ZP3: variants seen among roughly 807,000 people sequenced by gnomAD.
The protein encoded by ZP3 is zona pellucida glycoprotein 3.
Under a neutral mutation model 35.6 loss-of-function variants are expected in ZP3, and 21 were observed. The observed-to-expected ratio is 0.59, with a 90% CI of 0.42 to 0.85. The LOEUF (loss-of-function observed/expected upper bound fraction) is 0.85, where lower values mean the gene tolerates loss of function less well. ZP3 is among the 40% of genes least tolerant of loss of function. The probability of loss-of-function intolerance (pLI) is 0.00; values close to 1 mark genes in which losing one functional copy is unlikely to be tolerated. For synonymous variants in ZP3, 207 were observed against 214.5 expected, an observed-to-expected ratio of 0.96 and a Z score of 0.31; for missense variants, 437 against 536.5, an observed-to-expected ratio of 0.81 and a Z score of 1.83.
chr7:76,398,293 C>T (rs1192307392), intron 1 of ZP3, among the ~76,000 whole-genome samples: 3 of 150,344 alleles, frequency 2.0e-5, no homozygotes, highest in East Asian at 1.9e-4. Context: ...CCAGTCTCAC[C>T]GCCCATTCAT....
chr7:76,433,143 G>GGTTGGTTTTA, intron 3 of ZP3, 113 bp downstream of exon 3: 1 of 699,822 alleles, frequency 1.4e-6, no homozygotes. Context: ...GGTTGGTTTT[G>GGTTGGTTTTA]GTTGGTTTTG....
intron 1 of ZP3, among the ~76,000 whole-genome samples, chr7:76,426,858 C>G (rs1243871200): frequency 2.2e-5 from 2 of 91,960 alleles, no homozygotes; most frequent in Non-Finnish European, 5.0e-5. Flanking sequence ...AATGAGACCC[C>G]CTTCTCTACC....
chr7:76,419,681 TTC>T (rs570508685), intron 1 of ZP3, among the ~76,000 whole-genome samples: 120 of 122,506 alleles, frequency 9.8e-4, no homozygotes, highest in Non-Finnish European at 1.5e-3. Flanking sequence ...CTTTCTTTCG[TTC>T]TCTTTCTCTC....
At chr7:76,407,041 A>G (rs974092063) in intron 1 of ZP3, among the ~76,000 whole-genome samples, 7 of 150,202 alleles carry the variant, frequency 4.7e-5, no homozygotes, top group Non-Finnish European at 8.9e-5. Context: ...GCTCACTGCA[A>G]CCTCCACCTC....
chr7:76,410,642 G>C (rs1296451860), intron 1 of ZP3, among the ~76,000 whole-genome samples: 1 of 152,062 alleles, frequency 6.6e-6, no homozygotes, highest in African/African-American at 2.4e-5. Context: ...TGTGGGCCCG[G>C]CAGGACTTAA....
chr7:76,441,065 G>A (rs71562428), intron 7 of ZP3, among the ~76,000 whole-genome samples: 4,064 of 150,896 alleles, frequency 0.027, 73 homozygotes, highest in Non-Finnish European at 0.035. Flanking sequence ...CAGCTACTTG[G>A]GAGGCTGAGG....
Position 76,405,283 on chromosome 7 carries a change from A to ATATATG in ZP3, c.-67+7491_-67+7492insGTATAT, listed in dbSNP as rs1293194089. ...CACACCCAGCTAATTATATATATAT[A>ATATATG]TATATATATATATATATATATATAT... On this transcript the variant is annotated intron_variant, in intron 1 of 8. Transcript: ENST00000336517. Among the ~76,000 whole-genome samples, 10 of 32,268 alleles carry ATATATG rather than the reference A, an allele frequency of 3.1e-4. 1 individual carries two copies. Among genetic ancestry groups the ATATATG allele is most frequent in the Non-Finnish European group, 5.1e-4 (10 of 19,536 alleles). The allele number at this position is 32,268 out of a possible 152,430, so 21.2% of individuals were successfully genotyped here.
intron 1 of ZP3, among the ~76,000 whole-genome samples, chr7:76,412,773 C>G (rs188131177): frequency 7.9e-5 from 12 of 151,310 alleles, no homozygotes; most frequent in African/African-American, 2.9e-4. Context: ...CGCTTGAACC[C>G]GGGAGGCGGA....
intron 1 of ZP3, chr7:76,400,715 C>G (rs1305371243): frequency 2.6e-6 from 3 of 1,167,144 alleles, no homozygotes; most frequent in Non-Finnish European, 3.5e-6. Flanking sequence ...ACTATGTTGC[C>G]AAGGCTGGTC....
At chr7:76,422,524 C>T (rs1220299188), upstream of ZP3, among the ~76,000 whole-genome samples, 1 of 151,264 alleles carries the variant, frequency 6.6e-6, no homozygotes, top group East Asian at 2.0e-4. Context: ...ACTAAAAATA[C>T]AAAAAGTAGC....
At chr7:76,437,171 C>CTTTTTTT (rs869115807) in intron 5 of ZP3, among the ~76,000 whole-genome samples, 6 of 78,718 alleles carry the variant, frequency 7.6e-5, no homozygotes, top group African/African-American at 1.5e-4. Flanking sequence ...ACCCTGTGTA[C>CTTTTTTT]TTTTTTTTTT....
intron 7 of ZP3, among the ~76,000 whole-genome samples, chr7:76,440,832 C>T (rs1332608437): frequency 6.6e-6 from 1 of 152,012 alleles, no homozygotes; most frequent in Non-Finnish European, 1.5e-5. Context: ...TCATCCTAGG[C>T]TTCTACTGAG....
At chr7:76,414,723 A>G (rs1374011440) in intron 1 of ZP3, among the ~76,000 whole-genome samples, 6 of 107,360 alleles carry the variant, frequency 5.6e-5, no homozygotes, top group Non-Finnish European at 9.2e-5. Flanking sequence ...TTTTTTTGAG[A>G]CGGAGTCTTG....
intron 1 of ZP3, among the ~76,000 whole-genome samples, chr7:76,407,680 C>G (rs1805084551): frequency 6.6e-6 from 1 of 152,082 alleles, no homozygotes; most frequent in South Asian, 2.1e-4. Context: ...CTGCAGTTAG[C>G]CATGATCATG....
At chr7:76,410,864 G>A (rs945267895) in intron 1 of ZP3, among the ~76,000 whole-genome samples, 4 of 151,486 alleles carry the variant, frequency 2.6e-5, no homozygotes, top group South Asian at 2.1e-4. Context: ...GTGTGGTGGC[G>A]GGTGCCTGTA....
At position 76,425,019 on chromosome 7, in the gene ZP3, C is replaced by T. The variant is rs760414285; in HGVS notation, c.55C>T (p.Leu19=). The T allele has an allele frequency of 6.3e-7, 1 of 1,582,638 alleles. No individual in the cohort carries two copies. Among genetic ancestry groups the T allele is most frequent in the Non-Finnish European group, 8.6e-7 (1 of 1,165,094 alleles). ...CCTCCTGCTCTGGGGTAGTACTGAG[C>T]TGTGCTACCCCCAACCCCTCTGGCT... ...ICLLLWGSTE[L]CYPQPLWLLQ... The change falls in exon 1 of 8, where the codon CTG becomes TTG. Residue 19 remains leucine (L), a synonymous_variant. Transcript: ENST00000394857.
intron 5 of ZP3, among the ~76,000 whole-genome samples, chr7:76,439,136 A>AC (rs1275330047): frequency 1.5e-5 from 2 of 133,040 alleles, no homozygotes; most frequent in Non-Finnish European, 3.2e-5. Context: ...CACCTCAAAA[A>AC]AAAAAAAAAA....
At chr7:76,436,184 T>C (rs1281014747) in intron 5 of ZP3, among the ~76,000 whole-genome samples, 6 of 151,544 alleles carry the variant, frequency 4.0e-5, no homozygotes, top group African/African-American at 1.4e-4. Flanking sequence ...CCCAAGTAGC[T>C]GAGATTGTAG....
At chr7:76,440,102 C>A in intron 5 of ZP3, 148 bp from the exon 6 acceptor site, 12 of 1,438,772 alleles carry the variant, frequency 8.3e-6, no homozygotes, top group Non-Finnish European at 1.1e-5. Context: ...CCGCCTTGGG[C>A]TCCCAAAGTG....
Sources: allele counts gnomAD v4.1 joint callset (sites outside exome capture counted in the v4.1 genomes callset), GRCh38; gene constraint gnomAD v4.1.1; transcripts MANE v1.5; gene names NCBI Gene and HGNC (gene_info 2026-07-23, HGNC 2026-07-21).